The following TUSC3 variants were observed in gnomAD, a reference collection of about 807,000 sequenced individuals.
TUSC3 encodes tumor suppressor candidate 3.
In TUSC3, 45 loss-of-function variants were observed where a neutral mutation model predicts 44.8. That is an observed-to-expected ratio of 1.00 (90% confidence interval 0.79 to 1.29). The LOEUF is 1.29. Ranked by LOEUF, TUSC3 falls within the 50% of genes most tolerant of loss-of-function variation. The probability of loss-of-function intolerance (pLI) is 0.00; values close to 1 mark genes in which losing one functional copy is unlikely to be tolerated. For synonymous variants in TUSC3, 212 were observed against 152.9 expected, an observed-to-expected ratio of 1.39 and a Z score of -2.85; for missense variants, 519 against 437.9, an observed-to-expected ratio of 1.19 and a Z score of -1.65.
At chr8:15,828,016 C>A in the TUSC3 span, among the ~76,000 whole-genome samples, 1 of 139,290 alleles carries the variant, frequency 7.2e-6, no homozygotes, top group Non-Finnish European at 1.5e-5. Context: ...TTTTTTGACA[C>A]GGAGTTTCAC....
At chr8:15,612,536 A>G (rs893657733) in intron 1 of TUSC3, among the ~76,000 whole-genome samples, 1 of 152,166 alleles carries the variant, frequency 6.6e-6, no homozygotes, top group African/African-American at 2.4e-5. Context: ...TAATTTGGAG[A>G]CTGGTATATA....
intron 5 of TUSC3, among the ~76,000 whole-genome samples, chr8:15,664,252 T>G (rs1324615531): frequency 6.6e-6 from 1 of 151,768 alleles, no homozygotes; most frequent in African/African-American, 2.4e-5. Flanking sequence ...AAGTTCTGTA[T>G]TGTTTACACA....
chr8:15,440,489 C>G (rs1231545673), intron 1 of TUSC3, among the ~76,000 whole-genome samples: 2 of 152,116 alleles, frequency 1.3e-5, no homozygotes, highest in Non-Finnish European at 2.9e-5. Flanking sequence ...TTTATTGTAA[C>G]AAATCTCACT....
chr8:15,515,347 A>G (rs929573472), intron 2 of TUSC3, among the ~76,000 whole-genome samples: 7 of 152,156 alleles, frequency 4.6e-5, no homozygotes, highest in Non-Finnish European at 7.3e-5. Context: ...TTTTACTAAC[A>G]TGGTCCACTG....
At chr8:15,740,478 A>C (rs1313424036) in intron 7 of TUSC3, among the ~76,000 whole-genome samples, 2 of 152,116 alleles carry the variant, frequency 1.3e-5, no homozygotes, top group Non-Finnish European at 2.9e-5. Flanking sequence ...GTTGTCCTCC[A>C]AGTTAAGAAA....
chr8:15,606,209 G>C (rs1804518724), intron 1 of TUSC3, among the ~76,000 whole-genome samples: 1 of 152,020 alleles, frequency 6.6e-6, no homozygotes, highest in Admixed American at 6.6e-5. Flanking sequence ...ATTTTAAACA[G>C]ATGATTCATC....
intron 1 of TUSC3, among the ~76,000 whole-genome samples, chr8:15,587,563 T>C (rs1803651168): frequency 6.6e-6 from 1 of 152,184 alleles, no homozygotes; most frequent in Non-Finnish European, 1.5e-5. Flanking sequence ...ATCATGTCTT[T>C]GTATTGGGAG....
At chr8:15,582,411 T>A (rs1048068050) in intron 1 of TUSC3, among the ~76,000 whole-genome samples, 1 of 152,222 alleles carries the variant, frequency 6.6e-6, no homozygotes, top group Non-Finnish European at 1.5e-5. Context: ...TTTTTACTGT[T>A]ATTGGAAATG....
chr8:15,530,757 G>C (rs576429104), intron 2 of TUSC3, among the ~76,000 whole-genome samples: 2 of 152,154 alleles, frequency 1.3e-5, no homozygotes, highest in East Asian at 3.8e-4. Context: ...TCTATTCTGA[G>C]GTTTGTAATA....
At chr8:15,648,846 G>C (rs1394898679) in intron 2 of TUSC3, among the ~76,000 whole-genome samples, 1 of 147,960 alleles carries the variant, frequency 6.8e-6, no homozygotes, top group Non-Finnish European at 1.5e-5. Flanking sequence ...TCCTGTAACA[G>C]TCACCTGTAT....
rs778366754 is a variant in TUSC3 at position 15,757,786 on chromosome 8, G to A, written c.1029-5G>A. The A allele has an allele frequency of 4.1e-6, 6 of 1,475,952 alleles. No homozygotes were observed. In the Admixed American group the frequency reaches 1.0e-4, roughly 25 times the overall value. The allele number at this position is 1,475,952 out of a possible 1,614,324, so 91.4% of individuals were successfully genotyped here. A position where few individuals can be genotyped will look rare whatever the true frequency, so the allele number is the denominator to read the frequency against. ...TGTTGTATTTCATTGTGGTGTATTG[G>A]AAAGTGATCTGGACTTTGAGTGAGA... On this transcript the variant is annotated splice_region_variant and splice_polypyrimidine_tract_variant and intron_variant, in intron 9 of 10. Transcript: ENST00000503731.
chr8:15,592,936 G>C (rs918731315), intron 1 of TUSC3, among the ~76,000 whole-genome samples: 1 of 152,136 alleles, frequency 6.6e-6, no homozygotes, highest in African/African-American at 2.4e-5. Context: ...TTTGGTTCTT[G>C]AGCCCATGCA....
the TUSC3 span, among the ~76,000 whole-genome samples, chr8:15,793,748 A>T: frequency 6.6e-6 from 1 of 152,196 alleles, no homozygotes; most frequent in African/African-American, 2.4e-5. Flanking sequence ...TTATCCCCAA[A>T]ATGTGGAACA....
the TUSC3 span, among the ~76,000 whole-genome samples, chr8:15,799,414 G>C: frequency 2.0e-5 from 3 of 152,156 alleles, no homozygotes; most frequent in South Asian, 6.2e-4. Context: ...CTTAGTACAA[G>C]TTGCTATAAT....
In TUSC3 at chr8:15,669,069, T is replaced by C. The variant is rs1807812711; in HGVS notation, c.709-4678T>C. 2.0e-5 allele frequency among the ~76,000 whole-genome samples: 3 copies of C among 151,764 alleles called. No homozygotes were observed. The South Asian group carries it at 6.2e-4, about 31-fold the overall frequency. On this transcript the variant is annotated intron_variant, in intron 5 of 10. Transcript: ENST00000503731. ...AACCTTCAGTGGTTGAGATCAAATGTAGACAGAGCTTTGCCAGGGCCATAT... is the reference window on the plus strand; with the variant it reads ...AACCTTCAGTGGTTGAGATCAAATGCAGACAGAGCTTTGCCAGGGCCATAT...
chr8:15,502,496 T>G (rs2129127071), intron 2 of TUSC3, among the ~76,000 whole-genome samples: 1 of 152,302 alleles, frequency 6.6e-6, no homozygotes, highest in East Asian at 1.9e-4. Flanking sequence ...CTTGTTTGTT[T>G]GTTTGTTTGT....
chr8:15,501,972 T>C (rs1212249567), intron 2 of TUSC3, among the ~76,000 whole-genome samples: 1 of 152,244 alleles, frequency 6.6e-6, no homozygotes, highest in Admixed American at 6.5e-5. Flanking sequence ...CTTCTGACGT[T>C]TACCTTTATG....
intron 1 of TUSC3, among the ~76,000 whole-genome samples, chr8:15,617,416 G>T (rs556523385): frequency 1.3e-5 from 2 of 152,116 alleles, no homozygotes; most frequent in South Asian, 4.2e-4. Context: ...AGGATTACAG[G>T]CGTGAGCCAC....
the TUSC3 span, among the ~76,000 whole-genome samples, chr8:15,813,403 G>A: frequency 7.5e-6 from 1 of 133,106 alleles, no homozygotes; most frequent in Non-Finnish European, 1.7e-5. Flanking sequence ...AAAAAAAACA[G>A]GCACACCTGT....
Sources: gnomAD v4.1 joint callset for allele counts (sites outside exome capture counted in the v4.1 genomes callset) on GRCh38, gnomAD v4.1.1 for gene constraint, MANE v1.5 for transcripts, NCBI Gene and HGNC (gene_info 2026-07-23, HGNC 2026-07-21) for gene names.